The following VPS37A variants were observed in gnomAD, a reference collection of about 807,000 sequenced individuals.
The protein encoded by VPS37A is VPS37A subunit of ESCRT-I, also known as vacuolar protein sorting-associated protein 37A.
A neutral mutation model predicts 49.8 loss-of-function variants in VPS37A; 30 were observed. The observed-to-expected ratio is 0.60, with a 90% CI of 0.45 to 0.82. The LOEUF is 0.82. VPS37A is among the 40% of genes least tolerant of loss of function. The pLI, the probability that VPS37A is intolerant of heterozygous loss-of-function variation, is 0.00. For synonymous variants in VPS37A, 195 were observed against 160.6 expected (o/e 1.21, Z -1.62); for missense variants, 593 against 464.4 (o/e 1.28, Z -2.55).
At chr8:17,249,311 G>T (rs1349569745) in intron 1 of VPS37A, among the ~76,000 whole-genome samples, 2 of 152,110 alleles carry the variant, frequency 1.3e-5, no homozygotes. Flanking sequence ...TGGCTTAAGA[G>T]GATCAGTAAA....
At chr8:17,302,311 A>G (rs1200039022), downstream of VPS37A, 1 of 1,587,296 alleles carries the variant, frequency 6.3e-7, no homozygotes, top group Non-Finnish European at 8.6e-7. Context: ...TCGTGATACC[A>G]CCTTATCACA....
At chr8:17,313,771 G>C in the VPS37A span, among the ~76,000 whole-genome samples, 1 of 152,008 alleles carries the variant, frequency 6.6e-6, no homozygotes. Context: ...GTGCTATGAG[G>C]AAAAAAATCA....
chr8:17,280,342 A>T, intron 8 of VPS37A, 33 bp from the exon 9 acceptor site: 1 of 1,601,900 alleles, frequency 6.2e-7, no homozygotes, highest in Non-Finnish European at 8.5e-7. Context: ...ATTTAAAAAT[A>T]GAATAAAACA....
intron 5 of VPS37A, 106 bp from the exon 6 acceptor site, chr8:17,276,291 T>C (rs934963916): frequency 7.8e-5 from 63 of 812,760 alleles, no homozygotes; most frequent in Admixed American, 9.1e-5. Context: ...AATATGATAA[T>C]GCAAACAGTT....
chr8:17,266,064 T>G (rs1424730699), intron 2 of VPS37A, 83 bp downstream of exon 2: 1 of 1,241,424 alleles, frequency 8.1e-7, no homozygotes, highest in Middle Eastern at 2.8e-4. Context: ...AAATAAACTT[T>G]TAAGGTGAAC....
chr8:17,288,594 C>T (rs893244113), intron 11 of VPS37A, among the ~76,000 whole-genome samples: 31 of 152,156 alleles, frequency 2.0e-4, no homozygotes, highest in African/African-American at 7.5e-4. Context: ...TGTATATGTG[C>T]CACATTTTCT....
chr8:17,318,321 C>G, the VPS37A span, among the ~76,000 whole-genome samples: 1 of 152,100 alleles, frequency 6.6e-6, no homozygotes, highest in Non-Finnish European at 1.5e-5. Flanking sequence ...TTCCACAGTT[C>G]TGTGGAGTCC....
the VPS37A span, among the ~76,000 whole-genome samples, chr8:17,329,152 C>T: frequency 6.6e-6 from 1 of 152,038 alleles, no homozygotes; most frequent in East Asian, 1.9e-4. Context: ...CATTCCTCTG[C>T]CTACCAAGTG....
chr8:17,332,921 G>A, the VPS37A span, among the ~76,000 whole-genome samples: 1 of 152,166 alleles, frequency 6.6e-6, no homozygotes, highest in South Asian at 2.1e-4. Context: ...AGCATGGCAG[G>A]CGACAGGAGA....
the VPS37A span, among the ~76,000 whole-genome samples, chr8:17,330,693 T>C: frequency 1.3e-5 from 2 of 152,196 alleles, no homozygotes; most frequent in African/African-American, 4.8e-5. Flanking sequence ...TGCATGTGTA[T>C]TGTGGTGGCT....
At chr8:17,301,608 C>G (rs759040548), downstream of VPS37A, 1 of 152,458 alleles carries the variant, frequency 6.6e-6, no homozygotes, top group East Asian at 1.9e-4. Context: ...CTAATAGAAT[C>G]CTAAGATGTT....
At chr8:17,266,711 C>T (rs1325424065) in intron 2 of VPS37A, among the ~76,000 whole-genome samples, 2 of 152,180 alleles carry the variant, frequency 1.3e-5, no homozygotes, top group Non-Finnish European at 2.9e-5. Flanking sequence ...TTATTAAATA[C>T]TAATGAGTGA....
chr8:17,263,797 C>T (rs918807076), intron 1 of VPS37A, among the ~76,000 whole-genome samples: 1 of 151,888 alleles, frequency 6.6e-6, no homozygotes, highest in Non-Finnish European at 1.5e-5. Context: ...TATATATAAC[C>T]GGGTGTGGTG....
intron 10 of VPS37A, 145 bp downstream of exon 10, chr8:17,284,761 T>A: frequency 1.8e-6 from 2 of 1,086,050 alleles, no homozygotes; most frequent in Non-Finnish European, 2.5e-6. Flanking sequence ...AAAGGAAGGT[T>A]TCTATTCCTT....
At chr8:17,305,199 T>C (rs1039461654), downstream of VPS37A, among the ~76,000 whole-genome samples, 3 of 152,234 alleles carry the variant, frequency 2.0e-5, no homozygotes, top group African/African-American at 4.8e-5. Context: ...TCTGATAATG[T>C]TGTATACACC....
At chr8:17,315,491 T>C in the VPS37A span, among the ~76,000 whole-genome samples, 1 of 152,156 alleles carries the variant, frequency 6.6e-6, no homozygotes, top group South Asian at 2.1e-4. Context: ...TGTGCCAATG[T>C]AGGTGCACTG....
rs189053235 is a variant in VPS37A at position 17,248,392 on chromosome 8, A to G, written c.125+1023A>G. ...CAATCATCCTCCCTCAGCTCCCCACACCCCTCCGAGTAGCTGGGATTACAG... is the reference window on the plus strand; with the variant it reads ...CAATCATCCTCCCTCAGCTCCCCACGCCCCTCCGAGTAGCTGGGATTACAG... On this transcript the variant is annotated intron_variant, in intron 1 of 11. Coordinates refer to ENST00000324849, the MANE Select transcript of VPS37A (RefSeq NM_152415.3). 8.7e-4 allele frequency: 387 copies of G among 447,332 alleles called. 2 individuals are homozygous for G. In the East Asian group the frequency reaches 0.022, roughly 25 times the overall value. 27.7% of individuals were successfully genotyped at this position (447,332 alleles called of 1,614,324 possible). A position where few individuals can be genotyped will look rare whatever the true frequency, so the allele number is the denominator to read the frequency against.
intron 9 of VPS37A, among the ~76,000 whole-genome samples, chr8:17,283,405 C>T (rs1815284910): frequency 6.6e-6 from 1 of 152,172 alleles, no homozygotes; most frequent in Admixed American, 6.5e-5. Context: ...ATCTGCTTGC[C>T]TCAGGCTCCC....
chr8:17,284,977 C>G (rs1815447790), intron 10 of VPS37A, among the ~76,000 whole-genome samples: 1 of 151,880 alleles, frequency 6.6e-6, no homozygotes, highest in Admixed American at 6.6e-5. Flanking sequence ...TCTGGTATGT[C>G]AGAGGAACAG....
Sources: allele counts gnomAD v4.1 joint callset (sites outside exome capture counted in the v4.1 genomes callset), GRCh38; gene constraint gnomAD v4.1.1; transcripts MANE v1.5; gene names NCBI Gene and HGNC (gene_info 2026-07-23, HGNC 2026-07-21).